Variants in BAALC observed in about 807,000 individuals in gnomAD.
The protein encoded by BAALC is brain and acute leukemia cytoplasmic protein.
Under a neutral mutation model 15.5 loss-of-function variants are expected in BAALC, and 9 were observed. The ratio of observed to expected loss-of-function variants is 0.58; its 90% CI spans 0.35 to 1.02. The LOEUF (loss-of-function observed/expected upper bound fraction) is 1.02. Among genes scored for constraint, BAALC ranks in the 50% least tolerant of loss-of-function variants. The pLI, the probability that BAALC is intolerant of heterozygous loss-of-function variation, is 0.02. For missense variants in BAALC, 201 were observed against 192.4 expected, an observed-to-expected ratio of 1.04 and a Z score of -0.27; for synonymous variants, 80 against 74.6, an observed-to-expected ratio of 1.07 and a Z score of -0.37.
chr8:103,164,142 G>A (rs1009155149), intron 1 of BAALC, among the ~76,000 whole-genome samples: 1 of 152,200 alleles, frequency 6.6e-6, no homozygotes, highest in African/African-American at 2.4e-5. Flanking sequence ...TGAAGAGCAG[G>A]AGCTGCTTTG....
intron 2 of BAALC, among the ~76,000 whole-genome samples, chr8:103,220,867 T>C (rs1812661463): frequency 6.6e-6 from 1 of 152,210 alleles, no homozygotes. Flanking sequence ...AATTGGTGTC[T>C]CACACATCAT....
At chr8:103,212,830 TGACTA>T in intron 1 of BAALC, 84 bp from the exon 2 acceptor site, 1 of 1,413,866 alleles carries the variant, frequency 7.1e-7, no homozygotes, top group Admixed American at 2.3e-5. Context: ...TTTTTCATTT[TGACTA>T]TCTGTTTCTC....
chr8:103,200,588 C>T, intron 1 of BAALC: 2 of 523,616 alleles, frequency 3.8e-6, no homozygotes, highest in South Asian at 6.4e-5. Context: ...GACTGTCTTC[C>T]TCTGTTCTGG....
chr8:103,176,315 G>T (rs1231186518), intron 1 of BAALC, among the ~76,000 whole-genome samples: 1 of 152,130 alleles, frequency 6.6e-6, no homozygotes, highest in Admixed American at 6.5e-5. Context: ...CTTATGATGT[G>T]CTAGGCACTG....
chr8:103,165,208 C>CTT (rs1299500286), intron 1 of BAALC, among the ~76,000 whole-genome samples: 2 of 152,144 alleles, frequency 1.3e-5, no homozygotes, highest in Non-Finnish European at 2.9e-5. Flanking sequence ...AAAACCTTCC[C>CTT]TTTGCATTTC....
At position 103,164,846 on chromosome 8, in the gene BAALC, G is replaced by A. The variant is rs138631635; in HGVS notation, c.160+23789G>A. Among the ~76,000 whole-genome samples, 33 of 152,262 alleles carry A rather than the reference G, an allele frequency of 2.2e-4. 1 individual carries two copies. The highest frequency in any genetic ancestry group is 7.9e-4 in the African/African-American group (33 of 41,552). ...TGCTATTTCCACTGCTGTATGGTCA[G>A]CCTTGTGCACATGTGCACAGGTCTG... On this transcript the variant is annotated intron_variant, in intron 1 of 2. Transcript: ENST00000309982.
intron 1 of BAALC, among the ~76,000 whole-genome samples, chr8:103,141,875 T>G (rs1810786261): frequency 1.3e-5 from 2 of 152,248 alleles, no homozygotes; most frequent in Admixed American, 6.5e-5. Flanking sequence ...GTCAGGATTT[T>G]ATTTTATTTT....
intron 2 of BAALC, among the ~76,000 whole-genome samples, chr8:103,218,558 T>TC (rs1237627489): frequency 5.3e-5 from 8 of 151,284 alleles, no homozygotes; most frequent in Admixed American, 2.6e-4. Context: ...GGACTCTTAT[T>TC]CCCCCCCACC....
At chr8:103,171,980 G>C (rs146797461) in intron 1 of BAALC, 1 of 152,174 alleles carries the variant, frequency 6.6e-6, no homozygotes, top group Non-Finnish European at 1.5e-5. Flanking sequence ...CTGCCTCAAC[G>C]TTGCCGCAGC....
intron 2 of BAALC, among the ~76,000 whole-genome samples, chr8:103,217,236 A>G (rs914884557): frequency 8.5e-5 from 13 of 152,256 alleles, no homozygotes; most frequent in African/African-American, 2.9e-4. Flanking sequence ...AAAGATAATC[A>G]GTGGTCTTTA....
intron 1 of BAALC, among the ~76,000 whole-genome samples, chr8:103,193,945 C>T (rs150204665): frequency 1.3e-5 from 2 of 152,246 alleles, no homozygotes; most frequent in African/African-American, 4.8e-5. Flanking sequence ...CTTAAGGCCC[C>T]AAGAGGTTCA....
intron 2 of BAALC, among the ~76,000 whole-genome samples, chr8:103,219,106 G>T (rs1812623505): frequency 1.3e-5 from 2 of 152,254 alleles, no homozygotes; most frequent in East Asian, 3.9e-4. Context: ...GCAAGCCTGG[G>T]GAAAAAGGAA....
intron 1 of BAALC, 102 bp from the exon 2 acceptor site, chr8:103,212,817 T>C (rs1812477389): frequency 2.3e-6 from 3 of 1,305,616 alleles, no homozygotes; most frequent in African/African-American, 1.5e-5. Flanking sequence ...TGGCAACTTT[T>C]GTTTTTTCAT....
intron 1 of BAALC, among the ~76,000 whole-genome samples, chr8:103,179,716 G>A (rs964359696): frequency 1.3e-5 from 2 of 152,240 alleles, no homozygotes. Flanking sequence ...TATGTGCCAG[G>A]CCCTGCGCTG....
At chr8:103,204,052 T>C (rs1360368532) in intron 1 of BAALC, among the ~76,000 whole-genome samples, 1 of 152,216 alleles carries the variant, frequency 6.6e-6, no homozygotes, top group East Asian at 1.9e-4. Context: ...GTGTATGAGA[T>C]TTCCAAATTC....
intron 1 of BAALC, among the ~76,000 whole-genome samples, chr8:103,181,507 C>A (rs1226714404): frequency 6.6e-6 from 1 of 152,034 alleles, no homozygotes; most frequent in Non-Finnish European, 1.5e-5. Context: ...CTCCTGACCT[C>A]GTGATCTGCC....
rs1162228163 is a variant in BAALC, at chr8:103,140,850, C to A, written c.-48C>A. ...TGCGCCTCCGGGGCTGAGCCGCCGC[C>A]AGAGCCGACAGCCGAGCAGCCGCTG... On this transcript the variant is annotated 5_prime_UTR_variant, in exon 1 of 3. Coordinates refer to ENST00000309982, the MANE Select transcript of BAALC (RefSeq NM_024812.3). This position sits in a 1 kb window ranked among gnomAD's most constrained non-coding sequence, Gnocchi z 4.2. 2.8e-6 allele frequency: 4 copies of A among 1,426,118 alleles called. No homozygotes were observed. The highest frequency in any genetic ancestry group is 3.7e-6 in the Non-Finnish European group (4 of 1,089,752). 88.3% of individuals were successfully genotyped at this position (1,426,118 alleles called of 1,614,324 possible). A position where few individuals can be genotyped will look rare whatever the true frequency, so the allele number is the denominator to read the frequency against.
intron 1 of BAALC, among the ~76,000 whole-genome samples, chr8:103,152,863 G>A (rs918322214): frequency 2.6e-5 from 4 of 152,202 alleles, no homozygotes; most frequent in Non-Finnish European, 4.4e-5. Context: ...TCATGGCTGC[G>A]AGATGCTGCA....
At chr8:103,184,906 T>G (rs911823514) in intron 1 of BAALC, among the ~76,000 whole-genome samples, 1 of 152,102 alleles carries the variant, frequency 6.6e-6, no homozygotes, top group Admixed American at 6.6e-5. Context: ...CTTGCCTGAG[T>G]CTGATCAGTG....
Sources: gnomAD v4.1 joint callset for allele counts (sites outside exome capture counted in the v4.1 genomes callset) on GRCh38, gnomAD v4.1.1 for gene constraint, Gnocchi (gnomAD v3.1) non-coding constraint, MANE v1.5 for transcripts, NCBI Gene and HGNC (gene_info 2026-07-23, HGNC 2026-07-21) for gene names.